Variants in MUC7 observed in about 807,000 individuals in gnomAD.
The protein encoded by MUC7 is mucin 7, secreted, also known as mucin-7.
Under a neutral mutation model 2.5 loss-of-function variants are expected in MUC7, and 2 were observed. That is an observed-to-expected ratio of 0.81 (90% CI 0.33 to 2.55). The LOEUF is 2.55. Ranked by LOEUF, MUC7 falls within the 30% of genes most tolerant of loss-of-function variation. The pLI is 0.11. For synonymous variants in MUC7, 133 were observed against 173.4 expected, an observed-to-expected ratio of 0.77 and a Z score of 1.83; for missense variants, 408 against 455.6, an observed-to-expected ratio of 0.90 and a Z score of 0.95.
At chr4:70,433,366 G>A (rs1214558165) in intron 1 of MUC7, among the ~76,000 whole-genome samples, 1 of 152,086 alleles carries the variant, frequency 6.6e-6, no homozygotes, top group Admixed American at 6.5e-5. Flanking sequence ...CCATGAGCAT[G>A]GAAATTTCTT....
chr4:70,463,863 T>G (rs1317213535), intron 1 of MUC7, among the ~76,000 whole-genome samples: 1 of 152,242 alleles, frequency 6.6e-6, no homozygotes, highest in Non-Finnish European at 1.5e-5. Context: ...GATCTTGGAC[T>G]TCTCAAACTC....
chr4:70,461,330 C>G lies in MUC7; in HGVS notation c.-92-10885C>G, dbSNP rs568129116. On this transcript the variant is annotated intron_variant, in intron 1 of 3. Transcript: ENST00000413702. ...TCACCAGTTTATCCTAGACAAATAA[C>G]TCATGGTCCCAGTGAAGACGGGACT... Among the ~76,000 whole-genome samples, 4 of 152,342 alleles carry G rather than the reference C, an allele frequency of 2.6e-5. 1 individual carries two copies. In the South Asian group the frequency reaches 8.3e-4, roughly 32 times the overall value.
Position 70,450,672 on chromosome 4 carries a change from G to A in MUC7, c.-93+19985G>A, listed in dbSNP as rs1734257663. On this transcript the variant is annotated intron_variant, in intron 1 of 3. Transcript: ENST00000413702. ...CTTCAGTTAGCAGGTGATAAATGCTGGCAGGACTGGGTTCTTTCCTTCAAG... is the reference window on the plus strand; with the variant it reads ...CTTCAGTTAGCAGGTGATAAATGCTAGCAGGACTGGGTTCTTTCCTTCAAG... Among the ~76,000 whole-genome samples, 5 of 152,088 alleles carry A rather than the reference G, an allele frequency of 3.3e-5. No individual in the cohort carries two copies. In the South Asian group the frequency reaches 1.0e-3, roughly 32 times the overall value.
chr4:70,436,166 G>A (rs147225897), intron 1 of MUC7, among the ~76,000 whole-genome samples: 1 of 152,094 alleles, frequency 6.6e-6, no homozygotes, highest in Non-Finnish European at 1.5e-5. Context: ...TGGTGAATCT[G>A]ACAATCATGT....
At chr4:70,464,101 G>A (rs1358846710) in intron 1 of MUC7, among the ~76,000 whole-genome samples, 2 of 152,174 alleles carry the variant, frequency 1.3e-5, no homozygotes, top group Non-Finnish European at 2.9e-5. Context: ...CACAGTGGGT[G>A]AGCCAAAGCA....
chr4:70,462,541 T>C (rs1462074518), intron 1 of MUC7, among the ~76,000 whole-genome samples: 2 of 152,200 alleles, frequency 1.3e-5, no homozygotes, highest in African/African-American at 2.4e-5. Flanking sequence ...CTTAGATACA[T>C]TTAAGATATT....
In MUC7 at chr4:70,482,028, C is replaced by T; in HGVS notation, c.*150C>T. The T allele has an allele frequency of 2.0e-6, 2 of 984,242 alleles. No individual in the cohort carries two copies. Among genetic ancestry groups the T allele is most frequent in the Non-Finnish European group, 2.9e-6 (2 of 687,252 alleles). The allele number at this position is 984,242 out of a possible 1,614,324, so 61.0% of individuals were successfully genotyped here. Reference sequence around the variant, plus strand: ...TTAATCTTTCAATCTAATTATTCACCACCACAAGACCTATTAACAAGACAA... The same window carrying T: ...TTAATCTTTCAATCTAATTATTCACTACCACAAGACCTATTAACAAGACAA... On this transcript the variant is annotated 3_prime_UTR_variant, in exon 3 of 3. Transcript: ENST00000304887.
intron 1 of MUC7, among the ~76,000 whole-genome samples, chr4:70,448,558 T>C (rs1185606756): frequency 6.6e-6 from 1 of 152,212 alleles, no homozygotes; most frequent in Admixed American, 6.5e-5. Flanking sequence ...CTGTCTGCCA[T>C]TTGTATGTCT....
chr4:70,461,385 C>T (rs1734552092), intron 1 of MUC7, among the ~76,000 whole-genome samples: 1 of 152,210 alleles, frequency 6.6e-6, no homozygotes. Context: ...GCCACACTTT[C>T]TATATGCAGA....
chr4:70,471,946 G>C (rs1734844775), upstream of MUC7: 1 of 152,120 alleles, frequency 6.6e-6, no homozygotes, highest in Middle Eastern at 3.2e-3. Context: ...TTCTCCGTAA[G>C]CGCCTTCAAT....
At position 70,473,993 on chromosome 4, in the gene MUC7, T is replaced by G. The variant is rs745537501; in HGVS notation, c.-15-14T>G. ...ATCATAACTAATAGTACGCCACATT[T>G]CTGCTTTTCCCAGGAGACATCAGAA... On this transcript the variant is annotated splice_polypyrimidine_tract_variant and intron_variant, in intron 1 of 2. Coordinates refer to ENST00000304887, the MANE Select transcript of MUC7 (RefSeq NM_152291.3). 5.0e-6 allele frequency: 8 copies of G among 1,595,402 alleles called. No homozygotes were observed. The highest frequency in any genetic ancestry group is 6.9e-6 in the Non-Finnish European group (8 of 1,165,036).
At chr4:70,464,906 C>T (rs534023246) in intron 1 of MUC7, among the ~76,000 whole-genome samples, 2 of 152,338 alleles carry the variant, frequency 1.3e-5, no homozygotes, top group East Asian at 3.9e-4. Context: ...TGCTAAGGGA[C>T]AGACTGCCTC....
chr4:70,440,805 G>A (rs183979742), intron 1 of MUC7, among the ~76,000 whole-genome samples: 1 of 152,006 alleles, frequency 6.6e-6, no homozygotes, highest in Non-Finnish European at 1.5e-5. Flanking sequence ...GAGGAAAAAG[G>A]GAGGGAAAGA....
intron 1 of MUC7, among the ~76,000 whole-genome samples, chr4:70,462,664 C>T (rs1247729278): frequency 2.6e-5 from 4 of 152,160 alleles, no homozygotes; most frequent in Non-Finnish European, 4.4e-5. Flanking sequence ...ATAGTCCCTG[C>T]CAAGACTAGT....
chr4:70,432,067 AG>A (rs1733681969), intron 1 of MUC7, among the ~76,000 whole-genome samples: 1 of 152,176 alleles, frequency 6.6e-6, no homozygotes, highest in Non-Finnish European at 1.5e-5. Context: ...TGCCTACAAA[AG>A]ACATGAACTC....
intron 1 of MUC7, among the ~76,000 whole-genome samples, chr4:70,438,437 T>A (rs7688122): frequency 2.9e-4 from 21 of 72,428 alleles, no homozygotes; most frequent in Non-Finnish European, 3.8e-4. Flanking sequence ...GAAGTTTTGT[T>A]TTGTTTTGTT....
chr4:70,443,179 A>G (rs1418684606), intron 1 of MUC7, among the ~76,000 whole-genome samples: 1 of 152,182 alleles, frequency 6.6e-6, no homozygotes, highest in Non-Finnish European at 1.5e-5. Flanking sequence ...ATCTCTTTCC[A>G]TTAATTGAAG....
At chr4:70,447,156 T>G (rs900165864) in intron 1 of MUC7, among the ~76,000 whole-genome samples, 2 of 152,196 alleles carry the variant, frequency 1.3e-5, no homozygotes, top group Admixed American at 1.3e-4. Context: ...AGGGCCTTGA[T>G]GTCCTGAGTT....
At chr4:70,454,806 G>A (rs188236458) in intron 1 of MUC7, among the ~76,000 whole-genome samples, 12 of 152,224 alleles carry the variant, frequency 7.9e-5, no homozygotes, top group African/African-American at 2.9e-4. Flanking sequence ...CGGGTTTCAA[G>A]ACAACTAATG....
Sources: allele counts gnomAD v4.1 joint callset (sites outside exome capture counted in the v4.1 genomes callset), GRCh38; gene constraint gnomAD v4.1.1; transcripts MANE v1.5; gene names NCBI Gene and HGNC (gene_info 2026-07-23, HGNC 2026-07-21).